The following TLE3 variants were observed in gnomAD, a reference collection of about 807,000 sequenced individuals.
TLE3 encodes the protein transducin-like enhancer protein 3.
A neutral mutation model predicts 93.0 loss-of-function variants in TLE3; 14 were observed. The observed-to-expected ratio is 0.15, with a 90% CI of 0.10 to 0.24. TLE3 has a LOEUF of 0.24. TLE3 is among the 10% of genes least tolerant of loss of function. The pLI is 1.00. For missense variants in TLE3, 693 were observed against 1,046.6 expected (o/e 0.66, Z 4.66); for synonymous variants, 451 against 425.0 (o/e 1.06, Z -0.75).
At position 70,059,464 on chromosome 15, in the gene TLE3, C is replaced by T; in HGVS notation, c.715-4G>A. On this transcript the variant is annotated splice_polypyrimidine_tract_variant and splice_region_variant and intron_variant, in intron 9 of 19. Coordinates refer to ENST00000451782, the MANE Select transcript of TLE3 (RefSeq NM_001105192.3). ...CACTCTTGTCTCCATCACTGTCCTG[C>T]AACCAAGAGAGAAGCCAACTGGTCA... The T allele has an allele frequency of 6.2e-7, 1 of 1,607,732 alleles. No individual in the cohort carries two copies. Among genetic ancestry groups the T allele is most frequent in the Non-Finnish European group, 8.5e-7 (1 of 1,177,000 alleles).
chr15:70,070,702 GCAAC>G (rs1370302009), intron 6 of TLE3, among the ~76,000 whole-genome samples: 1 of 152,166 alleles, frequency 6.6e-6, no homozygotes, highest in Non-Finnish European at 1.5e-5. Flanking sequence ...GAAGCCATCA[GCAAC>G]CAGAGCCCAG....
Position 70,097,699 on chromosome 15 carries a change from G to T in TLE3, c.-901C>A. 1 of 397,262 alleles carries T rather than the reference G, an allele frequency of 2.5e-6. No individual in the cohort carries two copies. The highest frequency in any genetic ancestry group is 4.4e-6 in the Non-Finnish European group (1 of 225,200). 24.6% of individuals were successfully genotyped at this position (397,262 alleles called of 1,614,324 possible). On this transcript the variant is annotated 5_prime_UTR_variant, in exon 1 of 20. Coordinates refer to ENST00000451782, the MANE Select transcript of TLE3 (RefSeq NM_001105192.3). ...GAGGGGAGACGCAGCCCGAGACCGG[G>T]GAGCTCTACGGCTTCCTTCCTTCCC...
In TLE3 at chr15:70,074,612, A is replaced by AG; in HGVS notation, c.298-6dup. 1 of 1,607,160 alleles carries AG rather than the reference A, an allele frequency of 6.2e-7. No individual in the cohort carries two copies. The highest frequency in any genetic ancestry group is 8.5e-7 in the Non-Finnish European group (1 of 1,177,046). ...CTGCGCCACCTGCTGCTGGTGCTGG[A>AG]GGGAAGAGGGTGTGCGTTAGATGCA... On this transcript the variant is annotated splice_polypyrimidine_tract_variant and splice_region_variant and intron_variant, in intron 5 of 19. Coordinates refer to ENST00000451782, the MANE Select transcript of TLE3 (RefSeq NM_001105192.3).
At position 70,051,383 on chromosome 15, in the gene TLE3, G is replaced by A. The variant is rs2055528393; in HGVS notation, c.2202+8C>T. On this transcript the variant is annotated splice_region_variant and intron_variant, in intron 19 of 19. Transcript: ENST00000451782. ...AACCCAGAGGAGGACTCAGACGGTG[G>A]GCAGTACCTGGAATATGCTGGCTCC... The A allele has an allele frequency of 1.9e-6, 3 of 1,603,930 alleles. No individual in the cohort carries two copies. The highest frequency in any genetic ancestry group is 2.6e-6 in the Non-Finnish European group (3 of 1,175,004).
chr15:70,063,789 T>G (rs61999937), intron 8 of TLE3, among the ~76,000 whole-genome samples: 2,975 of 152,334 alleles, frequency 0.02, 35 homozygotes, highest in Non-Finnish European at 0.032. Flanking sequence ...ACAACAAATC[T>G]CAGAGCTGGC....
chr15:70,093,636 T>G (rs2058405949), intron 4 of TLE3, among the ~76,000 whole-genome samples: 1 of 152,190 alleles, frequency 6.6e-6, no homozygotes. Flanking sequence ...CAGCCTTTCC[T>G]CAGAACACAA....
intron 4 of TLE3, among the ~76,000 whole-genome samples, chr15:70,089,151 T>C (rs1199324547): frequency 4.9e-4 from 74 of 152,200 alleles, no homozygotes; most frequent in Admixed American, 6.5e-5. Flanking sequence ...GGCTGCCGAC[T>C]TCTGCCTCAT....
In TLE3 at chr15:70,096,871, G is replaced by C; in HGVS notation, c.-73C>G. On this transcript the variant is annotated 5_prime_UTR_variant, in exon 1 of 20. Coordinates refer to ENST00000451782, the MANE Select transcript of TLE3 (RefSeq NM_001105192.3). Reference sequence around the variant, plus strand: ...GGGCCGGGGAGGTGCGGGGGAGGGGGGAGCCGAGCCCGAGCGGGGGGCGGC... The same window carrying C: ...GGGCCGGGGAGGTGCGGGGGAGGGGCGAGCCGAGCCCGAGCGGGGGGCGGC... The C allele has an allele frequency of 6.4e-7, 1 of 1,563,298 alleles. No individual in the cohort carries two copies. The highest frequency in any genetic ancestry group is 8.7e-7 in the Non-Finnish European group (1 of 1,151,230).
intron 8 of TLE3, 21 bp from the exon 9 acceptor site, chr15:70,060,670 C>T (rs1447230330): frequency 5.6e-6 from 9 of 1,612,342 alleles, no homozygotes; most frequent in African/African-American, 4.0e-5. Context: ...AAAGAGGGTT[C>T]GGGGTTAAAA....
chr15:70,095,078 G>A (rs2058485940), intron 3 of TLE3, among the ~76,000 whole-genome samples: 1 of 152,192 alleles, frequency 6.6e-6, no homozygotes, highest in Non-Finnish European at 1.5e-5. Flanking sequence ...GGGGAGTGGA[G>A]GCAGAGAGAG....
At chr15:70,077,716 G>A (rs1407944388) in intron 4 of TLE3, among the ~76,000 whole-genome samples, 1 of 152,372 alleles carries the variant, frequency 6.6e-6, no homozygotes, top group Non-Finnish European at 1.5e-5. Context: ...TCCTGGCAGG[G>A]AGAGGATCAG....
rs761618775 is a variant in TLE3 at position 70,056,318 on chromosome 15, G to C, written c.1308C>G (p.Ala436=). 17 of 1,613,732 alleles carry C rather than the reference G, an allele frequency of 1.1e-5. No individual in the cohort carries two copies. Among genetic ancestry groups the C allele is most frequent in the Non-Finnish European group, 1.4e-5 (17 of 1,179,880 alleles). Residue 436 remains alanine, a synonymous_variant, in exon 14 of 20, where the codon GCC becomes GCG. Coordinates refer to ENST00000451782, the MANE Select transcript of TLE3 (RefSeq NM_001105192.3). ...MRATGLPSSL[A]SIPGGKPAYS... is the part of the protein sequence containing the mutation. ...CTTACGGTTTTCCTCCAGGAATGGA[G>C]GCCAGGCTTGAGGGGAGGCCTGTGG...
At chr15:70,095,220 C>T (rs774227216) in intron 3 of TLE3, among the ~76,000 whole-genome samples, 1 of 152,218 alleles carries the variant, frequency 6.6e-6, no homozygotes, top group Non-Finnish European at 1.5e-5. Flanking sequence ...AGATTTTTAC[C>T]AACCCTAATT....
chr15:70,076,228 G>T, intron 4 of TLE3, 70 bp from the exon 5 acceptor site: 1 of 1,437,682 alleles, frequency 7.0e-7, no homozygotes, highest in Non-Finnish European at 9.7e-7. Context: ...ATAGGCAAGT[G>T]GAAATGCAAA....
At chr15:70,050,253 G>T in intron 19 of TLE3, 49 bp from the exon 20 acceptor site, 1 of 1,416,858 alleles carries the variant, frequency 7.1e-7, no homozygotes. Flanking sequence ...GGGGTGCAGG[G>T]AGAAAAAAGA....
chr15:70,059,386 C>A, intron 10 of TLE3, 24 bp downstream of exon 10: 8 of 1,603,678 alleles, frequency 5.0e-6, no homozygotes, highest in Non-Finnish European at 6.8e-6. Flanking sequence ...CCAAGAGCCC[C>A]CTTGCGACCG....
intron 8 of TLE3, among the ~76,000 whole-genome samples, chr15:70,061,204 A>AC (rs2056452108): frequency 6.6e-6 from 1 of 151,518 alleles, no homozygotes; most frequent in East Asian, 1.9e-4. Context: ...CTGTGTGAAC[A>AC]CCCCCGCCTC....
At chr15:70,063,551 C>G (rs1180791648) in intron 8 of TLE3, among the ~76,000 whole-genome samples, 1 of 152,198 alleles carries the variant, frequency 6.6e-6, no homozygotes, top group African/African-American at 2.4e-5. Context: ...AAGCTGCTGT[C>G]TAGATGGTTA....
intron 4 of TLE3, among the ~76,000 whole-genome samples, chr15:70,093,463 T>C (rs1196285094): frequency 1.3e-5 from 2 of 152,210 alleles, no homozygotes; most frequent in Non-Finnish European, 1.5e-5. Flanking sequence ...GACTGTTAAT[T>C]TAGAGCAGAA....
Sources: allele counts gnomAD v4.1 joint callset (sites outside exome capture counted in the v4.1 genomes callset), GRCh38; gene constraint gnomAD v4.1.1; transcripts MANE v1.5; gene names NCBI Gene and HGNC (gene_info 2026-07-23, HGNC 2026-07-21).